WDPCP: variants seen among roughly 807,000 people sequenced by gnomAD.
The protein encoded by WDPCP is WD repeat-containing and planar cell polarity effector protein fritz homolog.
In WDPCP, 71 loss-of-function variants were observed where a neutral mutation model predicts 93.1. The observed-to-expected ratio is 0.76, with a 90% CI of 0.63 to 0.93. WDPCP has a LOEUF of 0.93. WDPCP is among the 40% of genes least tolerant of loss of function. The pLI is 0.00. For missense variants in WDPCP, 844 were observed against 887.4 expected, an observed-to-expected ratio of 0.95 and a Z score of 0.62; for synonymous variants, 315 against 315.0, an observed-to-expected ratio of 1.00 and a Z score of 0.00.
At chr2:63,564,903 G>A (rs1706917919) in intron 1 of WDPCP, among the ~76,000 whole-genome samples, 1 of 151,344 alleles carries the variant, frequency 6.6e-6, no homozygotes, top group Non-Finnish European at 1.5e-5. Context: ...TCAGCCTCCC[G>A]AGTTGTCAGT....
intron 3 of WDPCP, chr2:63,600,058 T>C (rs1709390975): frequency 6.6e-6 from 1 of 152,226 alleles, no homozygotes; most frequent in South Asian, 2.1e-4. Context: ...CACTGCTAGA[T>C]AGGTCTATGA....
At chr2:63,244,029 A>G (rs1680072865) in intron 14 of WDPCP, among the ~76,000 whole-genome samples, 1 of 152,152 alleles carries the variant, frequency 6.6e-6, no homozygotes. Flanking sequence ...ATCATACCAA[A>G]CGACACTCTT....
chr2:63,357,572 G>T (rs1297788226), intron 12 of WDPCP, among the ~76,000 whole-genome samples: 1 of 152,032 alleles, frequency 6.6e-6, no homozygotes, highest in Non-Finnish European at 1.5e-5. Context: ...CCATCTCACA[G>T]TCAGAATGGC....
intron 14 of WDPCP, among the ~76,000 whole-genome samples, chr2:63,214,121 G>T (rs540892711): frequency 6.6e-6 from 1 of 152,074 alleles, no homozygotes; most frequent in South Asian, 2.1e-4. Flanking sequence ...AACTGATTTT[G>T]TGAGGCCAGC....
chr2:63,702,938 T>A (rs1669082711), intron 2 of WDPCP, among the ~76,000 whole-genome samples: 1 of 152,052 alleles, frequency 6.6e-6, no homozygotes, highest in East Asian at 1.9e-4. Flanking sequence ...GTTCTCATTG[T>A]TCAATTCCCA....
At chr2:63,379,584 T>A (rs1692132958) in intron 11 of WDPCP, among the ~76,000 whole-genome samples, 1 of 152,192 alleles carries the variant, frequency 6.6e-6, no homozygotes, top group Non-Finnish European at 1.5e-5. Context: ...GCTTGTTTTC[T>A]TGACAGCATG....
In WDPCP at chr2:63,730,557, G is replaced by A. The variant is rs560043539; in HGVS notation, n.309-79719C>T. ...CAGATCACTGCAACCTCCTCCTCCC[G>A]CGTTCAAGTGATTCTCCTGCCTTAG... On this transcript the variant is annotated intron_variant and non_coding_transcript_variant, in intron 2 of 4. Transcript: ENST00000467687. 5.2e-4 allele frequency among the ~76,000 whole-genome samples: 79 copies of A among 152,172 alleles called. 1 individual carries two copies. The highest frequency in any genetic ancestry group is 1.7e-3 in the African/African-American group (71 of 41,520).
chr2:63,808,314 T>TCCCCCTC (rs1553457267), intron 2 of WDPCP, among the ~76,000 whole-genome samples: 3 of 120,908 alleles, frequency 2.5e-5, no homozygotes, highest in East Asian at 4.4e-4. Flanking sequence ...CTCTCCCCTC[T>TCCCCCTC]CCCTCTCCCC....
intron 1 of WDPCP, among the ~76,000 whole-genome samples, chr2:63,817,903 G>T (rs1575781462): frequency 6.6e-6 from 1 of 152,248 alleles, no homozygotes; most frequent in East Asian, 1.9e-4. Context: ...TTACCGTAGG[G>T]CACTTAGGTG....
intron 6 of WDPCP, among the ~76,000 whole-genome samples, chr2:63,466,464 C>A (rs958182507): frequency 1.3e-4 from 20 of 151,958 alleles, no homozygotes; most frequent in African/African-American, 4.4e-4. Context: ...CACACTTAAC[C>A]TTAGATGCTT....
intron 3 of WDPCP, chr2:63,622,290 G>A: frequency 6.2e-7 from 1 of 1,603,348 alleles, no homozygotes; most frequent in Non-Finnish European, 8.5e-7. Context: ...GGCTTCCTTG[G>A]CTGTCTCAAG....
At chr2:63,207,205 C>G (rs1676405799) in intron 14 of WDPCP, among the ~76,000 whole-genome samples, 1 of 152,138 alleles carries the variant, frequency 6.6e-6, no homozygotes, top group Non-Finnish European at 1.5e-5. Flanking sequence ...CAATAGATTT[C>G]CTAGTAGTGG....
chr2:63,326,747 CAGAG>C (rs1315503223), intron 12 of WDPCP, among the ~76,000 whole-genome samples: 2 of 150,392 alleles, frequency 1.3e-5, no homozygotes, highest in African/African-American at 2.4e-5. Context: ...AGAAGAAAGT[CAGAG>C]AGAGAGAGGA....
intron 17 of WDPCP, among the ~76,000 whole-genome samples, chr2:63,141,275 C>T (rs1324955937): frequency 6.6e-6 from 1 of 152,152 alleles, no homozygotes; most frequent in East Asian, 1.9e-4. Flanking sequence ...GACAGGTTTT[C>T]ACCATGTTGG....
intron 12 of WDPCP, among the ~76,000 whole-genome samples, chr2:63,376,418 GAACA>G (rs1691857741): frequency 1.3e-5 from 2 of 151,686 alleles, no homozygotes; most frequent in African/African-American, 4.8e-5. Flanking sequence ...AAAAACCAAT[GAACA>G]AAAAATTCAC....
chr2:63,275,641 A>G (rs1683022544), intron 13 of WDPCP, among the ~76,000 whole-genome samples: 1 of 152,026 alleles, frequency 6.6e-6, no homozygotes, highest in African/African-American at 2.4e-5. Flanking sequence ...CCCATTTGCA[A>G]TGGCCACAAA....
intron 6 of WDPCP, among the ~76,000 whole-genome samples, chr2:63,467,936 G>C (rs1699454284): frequency 6.6e-6 from 1 of 152,144 alleles, no homozygotes. Context: ...TGAGTGTGAT[G>C]GCTATGGCTG....
intron 14 of WDPCP, among the ~76,000 whole-genome samples, chr2:63,185,921 C>G (rs1674602566): frequency 6.8e-6 from 1 of 146,338 alleles, no homozygotes. Context: ...CTCCCGGCCC[C>G]CCCACCTCCC....
chr2:63,836,114 C>T, the WDPCP span, among the ~76,000 whole-genome samples: 6,228 of 152,302 alleles, frequency 0.041, 184 homozygotes, highest in Non-Finnish European at 0.06. Flanking sequence ...TTTGGCCTCC[C>T]AAAGTGCTGG....
Sources: allele counts gnomAD v4.1 joint callset (sites outside exome capture counted in the v4.1 genomes callset), GRCh38; gene constraint gnomAD v4.1.1; transcripts MANE v1.5; gene names NCBI Gene and HGNC (gene_info 2026-07-23, HGNC 2026-07-21).